NUDT3: variants seen among roughly 807,000 people sequenced by gnomAD.
NUDT3 encodes diphosphoinositol polyphosphate phosphohydrolase 1.
Under a neutral mutation model 23.6 loss-of-function variants are expected in NUDT3, and 9 were observed. That is an observed-to-expected ratio of 0.38 (90% confidence interval 0.23 to 0.66). The LOEUF (loss-of-function observed/expected upper bound fraction) is 0.66. NUDT3 is among the 30% of genes least tolerant of loss of function. The pLI is 0.52. For missense variants in NUDT3, 172 were observed against 218.5 expected (o/e 0.79, Z 1.34); for synonymous variants, 86 against 82.6 (o/e 1.04, Z -0.22).
At chr6:34,312,457 G>T (rs1333700531) in intron 2 of NUDT3, among the ~76,000 whole-genome samples, 2 of 151,964 alleles carry the variant, frequency 1.3e-5, no homozygotes, top group Non-Finnish European at 2.9e-5. Context: ...CCAGATGCTG[G>T]TGAGGATGTG....
chr6:34,353,654 T>C (rs1447152521), intron 1 of NUDT3, among the ~76,000 whole-genome samples: 1 of 152,050 alleles, frequency 6.6e-6, no homozygotes, highest in African/African-American at 2.4e-5. Context: ...TCCGCCTGCC[T>C]TGGCCTCCCA....
At chr6:34,363,015 GGTAGCTTCAGTTCT>G (rs1764673699) in intron 1 of NUDT3, among the ~76,000 whole-genome samples, 1 of 152,068 alleles carries the variant, frequency 6.6e-6, no homozygotes, top group Admixed American at 6.6e-5. Flanking sequence ...AAGAGCTTTT[GGTAGCTTCAGTTCT>G]GTATGGCACA....
At chr6:34,304,268 A>AG (rs1763643100) in intron 2 of NUDT3, among the ~76,000 whole-genome samples, 1 of 151,078 alleles carries the variant, frequency 6.6e-6, no homozygotes, top group Non-Finnish European at 1.5e-5. Flanking sequence ...AAAAAAAAAA[A>AG]AAAGAAAGTT....
intron 1 of NUDT3, among the ~76,000 whole-genome samples, chr6:34,391,886 T>A (rs1190345599): frequency 6.6e-6 from 1 of 152,020 alleles, no homozygotes; most frequent in South Asian, 2.1e-4. Context: ...CACATGTGCC[T>A]GGCTGACAAC....
intron 1 of NUDT3, among the ~76,000 whole-genome samples, chr6:34,381,299 G>A (rs1165577790): frequency 2.6e-5 from 4 of 152,138 alleles, no homozygotes; most frequent in Non-Finnish European, 1.5e-5. Context: ...TTGCAGGTGT[G>A]AGTCACTGCA....
intron 2 of NUDT3, among the ~76,000 whole-genome samples, chr6:34,321,295 G>A (rs768147849): frequency 3.3e-5 from 5 of 151,704 alleles, no homozygotes; most frequent in Admixed American, 6.6e-5. Context: ...AACACTAGCT[G>A]GGCGTGGTGG....
At chr6:34,341,819 A>G (rs1291030771) in intron 2 of NUDT3, 43 bp downstream of exon 2, 5 of 1,575,032 alleles carry the variant, frequency 3.2e-6, no homozygotes, top group Middle Eastern at 1.7e-4. Flanking sequence ...GGACAGGTTC[A>G]TGATGACGAG....
intron 2 of NUDT3, among the ~76,000 whole-genome samples, chr6:34,340,682 T>C (rs1285653379): frequency 1.3e-5 from 2 of 152,274 alleles, no homozygotes; most frequent in African/African-American, 4.8e-5. Flanking sequence ...ATTTAGGGTA[T>C]TTCTTCAGCA....
At chr6:34,370,970 G>A (rs1764817155) in intron 1 of NUDT3, among the ~76,000 whole-genome samples, 2 of 151,832 alleles carry the variant, frequency 1.3e-5, no homozygotes, top group Non-Finnish European at 2.9e-5. Flanking sequence ...AATTAGCAGG[G>A]CATGGTGGCA....
In NUDT3 at chr6:34,283,840, T is replaced by A. The variant is rs994602840; in HGVS notation, c.*4913A>T. The A allele has an allele frequency of 1.3e-5, 2 of 152,330 alleles. No homozygotes were observed. Among genetic ancestry groups the A allele is most frequent in the Non-Finnish European group, 2.9e-5 (2 of 68,028 alleles). 9.4% of individuals were successfully genotyped at this position (152,330 alleles called of 1,614,324 possible). ...AATGTTCCCCAATTTACTTTTTTTTTATACCTTAAAATATCAAATGTTTCA... is the reference window on the plus strand; with the variant it reads ...AATGTTCCCCAATTTACTTTTTTTTAATACCTTAAAATATCAAATGTTTCA... On this transcript the variant is annotated 3_prime_UTR_variant, in exon 5 of 5. Coordinates refer to ENST00000607016, the MANE Select transcript of NUDT3 (RefSeq NM_006703.4).
At chr6:34,383,938 A>T (rs1765064760) in intron 1 of NUDT3, among the ~76,000 whole-genome samples, 1 of 152,218 alleles carries the variant, frequency 6.6e-6, no homozygotes, top group Admixed American at 6.5e-5. Context: ...TGACGGGATC[A>T]ATGAACCCAT....
At chr6:34,305,588 G>T (rs921365048) in intron 2 of NUDT3, among the ~76,000 whole-genome samples, 9 of 151,578 alleles carry the variant, frequency 5.9e-5, no homozygotes, top group Non-Finnish European at 2.9e-5. Context: ...ACTTCCTTTG[G>T]GCTTGCTCTT....
chr6:34,297,731 ATAT>A (rs1357469876), intron 2 of NUDT3, among the ~76,000 whole-genome samples: 2,911 of 26,488 alleles, frequency 0.11, 69 homozygotes, highest in Non-Finnish European at 0.15. Context: ...AAAAAAAAAA[ATAT>A]ATATATATAT....
chr6:34,355,993 G>C (rs928307963), intron 1 of NUDT3, among the ~76,000 whole-genome samples: 1 of 152,052 alleles, frequency 6.6e-6, no homozygotes, highest in African/African-American at 2.4e-5. Flanking sequence ...ATAAGACCCT[G>C]TTTAGGAGTA....
intron 2 of NUDT3, among the ~76,000 whole-genome samples, chr6:34,318,733 T>A (rs533990827): frequency 0.094 from 14,271 of 151,272 alleles, 768 homozygotes; most frequent in Non-Finnish European, 0.12. Context: ...TAAAAAAAAT[T>A]TTTTTTTTAA....
At chr6:34,374,065 G>C (rs1277912310) in intron 1 of NUDT3, among the ~76,000 whole-genome samples, 2 of 148,828 alleles carry the variant, frequency 1.3e-5, no homozygotes, top group African/African-American at 5.0e-5. Flanking sequence ...GCTGAGGCAG[G>C]AGAATCACTT....
chr6:34,327,407 G>A (rs1764056121), intron 2 of NUDT3, among the ~76,000 whole-genome samples: 2 of 151,810 alleles, frequency 1.3e-5, no homozygotes, highest in South Asian at 4.1e-4. Flanking sequence ...GTGCGCACCT[G>A]TATTCCCAGC....
chr6:34,340,900 T>C (rs1764278132), intron 2 of NUDT3, among the ~76,000 whole-genome samples: 2 of 152,070 alleles, frequency 1.3e-5, no homozygotes, highest in Non-Finnish European at 2.9e-5. Context: ...GAATTCAGAG[T>C]GAGGAAAGAA....
chr6:34,376,246 CT>C (rs1013015189), intron 1 of NUDT3, among the ~76,000 whole-genome samples: 184 of 149,828 alleles, frequency 1.2e-3, no homozygotes, highest in Middle Eastern at 6.8e-3. Context: ...GCTCCTTCAT[CT>C]TTTTTTTTTC....
Sources: allele counts gnomAD v4.1 joint callset (sites outside exome capture counted in the v4.1 genomes callset), GRCh38; gene constraint gnomAD v4.1.1; transcripts MANE v1.5; gene names NCBI Gene and HGNC (gene_info 2026-07-23, HGNC 2026-07-21).